Variants in MSTO1 observed in about 807,000 individuals in gnomAD.
MSTO1 encodes the protein misato mitochondrial distribution and morphology regulator 1, also known as protein misato homolog 1.
A neutral mutation model predicts 55.7 loss-of-function variants in MSTO1; 24 were observed. The observed-to-expected ratio is 0.43, with a 90% CI of 0.31 to 0.61. The LOEUF is 0.61. Ranked by LOEUF, MSTO1 falls within the 20% of genes least tolerant of loss-of-function variation. The pLI is 0.09. For missense variants in MSTO1, 363 were observed against 625.7 expected (o/e 0.58, Z 4.48); for synonymous variants, 162 against 252.8 (o/e 0.64, Z 3.41).
At chr1:155,594,041 G>A in the MSTO1 span, among the ~76,000 whole-genome samples, 1 of 152,138 alleles carries the variant, frequency 6.6e-6, no homozygotes, top group Non-Finnish European at 1.5e-5. Flanking sequence ...TTGACTGGAG[G>A]TGTCTGGCAA....
chr1:155,566,075 T>C, the MSTO1 span: 1 of 152,218 alleles, frequency 6.6e-6, no homozygotes, highest in Non-Finnish European at 1.5e-5. Context: ...ATGCTTGTGT[T>C]CCTTTTCAGA....
chr1:155,600,132 G>T, the MSTO1 span, among the ~76,000 whole-genome samples: 6 of 152,214 alleles, frequency 3.9e-5, no homozygotes, highest in African/African-American at 9.7e-5. Flanking sequence ...TTCCCACGAG[G>T]CCATATTTCA....
the MSTO1 span, chr1:155,602,201 G>A: frequency 1.8e-5 from 12 of 659,318 alleles, no homozygotes; most frequent in South Asian, 7.1e-5. Flanking sequence ...CTTCCTGGCC[G>A]GGCTTTGTGG....
chr1:155,609,219 A>G (rs1315623780), upstream of MSTO1, among the ~76,000 whole-genome samples: 6 of 78,094 alleles, frequency 7.7e-5, no homozygotes, highest in African/African-American at 2.5e-4. Context: ...TATCAGCAGT[A>G]TATATATATA....
chr1:155,570,897 T>C, the MSTO1 span, among the ~76,000 whole-genome samples: 2 of 152,238 alleles, frequency 1.3e-5, no homozygotes. Context: ...TCCTTCTTGC[T>C]TTCTTCATTG....
the MSTO1 span, among the ~76,000 whole-genome samples, chr1:155,599,313 A>G: frequency 6.6e-6 from 1 of 152,234 alleles, no homozygotes; most frequent in East Asian, 1.9e-4. Context: ...AAATTGGGCT[A>G]AAAGCTTCCT....
chr1:155,592,956 G>T, the MSTO1 span, among the ~76,000 whole-genome samples: 6 of 151,888 alleles, frequency 4.0e-5, no homozygotes, highest in Admixed American at 3.3e-4. Context: ...CTGTCTCCCA[G>T]GCTGGAGTGC....
the MSTO1 span, among the ~76,000 whole-genome samples, chr1:155,567,603 T>C: frequency 1.3e-5 from 2 of 151,916 alleles, no homozygotes; most frequent in African/African-American, 4.8e-5. Flanking sequence ...CCCGGCCTAA[T>C]TTTTGTATTT....
At chr1:155,609,402 C>G (rs1252104624), upstream of MSTO1, among the ~76,000 whole-genome samples, 2 of 151,102 alleles carry the variant, frequency 1.3e-5, no homozygotes, top group African/African-American at 4.9e-5. Context: ...CCCGCCACCA[C>G]GCCCAGCTAA....
chr1:155,611,730 A>T lies in MSTO1; in HGVS notation c.463A>T (p.Ile155Phe). The T allele has an allele frequency of 1.3e-6, 1 of 796,644 alleles. No individual in the cohort carries two copies. Among genetic ancestry groups the T allele is most frequent in the Non-Finnish European group, 2.0e-6 (1 of 495,280 alleles). The allele number at this position is 796,644 out of a possible 1,614,324, so 49.3% of individuals were successfully genotyped here. Reference protein sequence around the residue: ...LPTATTPKPLIPTEASIRVWS... With the variant: ...LPTATTPKPLFPTEASIRVWS... ...CACCGCTACAACTCCAAAACCACTT[A>T]TCCCTACAGAGGCCAGCATCAGGGT... Residue 155 changes from isoleucine (I) to phenylalanine (F), a missense_variant, in exon 6 of 14, where the codon ATC (isoleucine) becomes TTC (phenylalanine). By Grantham distance (21) the Ile-to-Phe change is conservative. Coordinates refer to ENST00000245564, the MANE Select transcript of MSTO1 (RefSeq NM_018116.4).
chr1:155,586,204 CTTTT>C, the MSTO1 span, among the ~76,000 whole-genome samples: 1 of 127,082 alleles, frequency 7.9e-6, no homozygotes, highest in Non-Finnish European at 1.6e-5. Flanking sequence ...CTCTCTCTGT[CTTTT>C]TTTTTTTTTT....
chr1:155,571,023 T>G, the MSTO1 span, among the ~76,000 whole-genome samples: 6 of 152,296 alleles, frequency 3.9e-5, no homozygotes, highest in East Asian at 1.2e-3. Flanking sequence ...CAAAAACACC[T>G]ATAGCTACAA....
chr1:155,579,293 A>G, the MSTO1 span, among the ~76,000 whole-genome samples: 1 of 151,808 alleles, frequency 6.6e-6, no homozygotes, highest in Non-Finnish European at 1.5e-5. Context: ...GGCCTGGGCA[A>G]CAAGAGTGAA....
chr1:155,563,296 T>C, the MSTO1 span: 1 of 456,026 alleles, frequency 2.2e-6, no homozygotes, highest in South Asian at 1.5e-5. Context: ...TGTGTGCCGG[T>C]CGCCTAGTCA....
chr1:155,600,669 T>A, the MSTO1 span, among the ~76,000 whole-genome samples: 1 of 152,118 alleles, frequency 6.6e-6, no homozygotes, highest in Non-Finnish European at 1.5e-5. Flanking sequence ...TGCCTTAGCC[T>A]CCCCAGTAGC....
chr1:155,577,786 C>T, the MSTO1 span, among the ~76,000 whole-genome samples: 3 of 152,154 alleles, frequency 2.0e-5, no homozygotes, highest in South Asian at 6.2e-4. Flanking sequence ...CTGTGTCACC[C>T]AGGTTGGAGT....
At chr1:155,602,544 C>T in the MSTO1 span, among the ~76,000 whole-genome samples, 1 of 152,184 alleles carries the variant, frequency 6.6e-6, no homozygotes, top group Non-Finnish European at 1.5e-5. Context: ...GGTGACAAGA[C>T]TCCCAGAATT....
Position 155,613,179 on chromosome 1 carries a change from G to C in MSTO1, c.1229G>C (p.Arg410Pro). The C allele has an allele frequency of 6.2e-7, 1 of 1,614,106 alleles. No homozygotes were observed. The highest frequency in any genetic ancestry group is 8.5e-7 in the Non-Finnish European group (1 of 1,180,024). ...GCATGTGGGGAGCCTTCTGGAACAC[G>C]TTGCTTTGCCCAGTCAGTGGTGCTG... ...LSACGEPSGT[R>P]CFAQSVVLRG... The change falls in exon 11 of 14, where the codon CGT (arginine) becomes CCT (proline). Residue 410 changes from arginine (R) to proline (P), a missense_variant. By Grantham distance (103) the Arg-to-Pro change is moderately radical. Around this residue, in one of 3 missense-constraint regions of MSTO1, gnomAD observed 231 missense variants for 286.9 expected, o/e 0.81. Transcript: ENST00000245564.
At chr1:155,587,380 C>A in the MSTO1 span, among the ~76,000 whole-genome samples, 5 of 128,276 alleles carry the variant, frequency 3.9e-5, no homozygotes, top group South Asian at 1.4e-3. Flanking sequence ...GTGGAGGTTG[C>A]GGTGAGCCGA....
Sources: allele counts gnomAD v4.1 joint callset (sites outside exome capture counted in the v4.1 genomes callset), GRCh38; gene constraint gnomAD v4.1.1; regional missense constraint gnomAD v4.1.1; transcripts MANE v1.5; gene names NCBI Gene and HGNC (gene_info 2026-07-23, HGNC 2026-07-21).